The following DOCK3 variants were observed in gnomAD, a reference collection of about 807,000 sequenced individuals.
DOCK3 encodes dedicator of cytokinesis protein 3.
Under a neutral mutation model 265.6 loss-of-function variants are expected in DOCK3, and 60 were observed. That is an observed-to-expected ratio of 0.23 (90% CI 0.18 to 0.28). DOCK3 has a LOEUF of 0.28. Among genes scored for constraint, DOCK3 ranks in the 10% least tolerant of loss-of-function variants. The pLI is 1.00. For missense variants in DOCK3, 1,981 were observed against 2,594.3 expected (o/e 0.76, Z 5.14); for synonymous variants, 881 against 938.0 (o/e 0.94, Z 1.11).
intron 9 of DOCK3, among the ~76,000 whole-genome samples, chr3:51,112,940 AG>A (rs2083581105): frequency 6.6e-6 from 1 of 152,172 alleles, no homozygotes; most frequent in Non-Finnish European, 1.5e-5. Flanking sequence ...AGGTATTAAG[AG>A]GGTATTATAA....
At chr3:50,855,024 A>G (rs1051857169) in intron 3 of DOCK3, among the ~76,000 whole-genome samples, 5 of 152,092 alleles carry the variant, frequency 3.3e-5, no homozygotes, top group South Asian at 2.1e-4. Context: ...CTGTTTCACT[A>G]CTATAGCTTT....
At chr3:51,378,710 C>T (rs1006144690) in intron 51 of DOCK3, among the ~76,000 whole-genome samples, 2 of 152,226 alleles carry the variant, frequency 1.3e-5, no homozygotes, top group African/African-American at 4.8e-5. Flanking sequence ...AGAGTGGCAC[C>T]CTCAGACCCC....
At chr3:51,055,700 A>G (rs920160846) in intron 5 of DOCK3, among the ~76,000 whole-genome samples, 1 of 152,312 alleles carries the variant, frequency 6.6e-6, no homozygotes, top group African/African-American at 2.4e-5. Context: ...CTTGGCATCT[A>G]TCCATCCGTG....
chr3:51,064,442 T>G lies in DOCK3; in HGVS notation c.316-6T>G. 6.2e-7 allele frequency: 1 copy of G among 1,613,618 alleles called. No homozygotes were observed. The highest frequency in any genetic ancestry group is 8.5e-7 in the Non-Finnish European group (1 of 1,179,594). On this transcript the variant is annotated splice_region_variant and splice_polypyrimidine_tract_variant and intron_variant, in intron 5 of 52. Coordinates refer to ENST00000266037, the MANE Select transcript of DOCK3 (RefSeq NM_004947.5). ...ATTTCACCCAACACCAAAAATGCCCTTTCAGAAACACAAAGTAGATCTTTT... is the reference window on the plus strand; with the variant it reads ...ATTTCACCCAACACCAAAAATGCCCGTTCAGAAACACAAAGTAGATCTTTT...
At chr3:50,763,500 C>G (rs1391712161) in intron 1 of DOCK3, among the ~76,000 whole-genome samples, 3 of 152,066 alleles carry the variant, frequency 2.0e-5, no homozygotes, top group Non-Finnish European at 4.4e-5. Flanking sequence ...CCAGGCTGGT[C>G]TCAAACTCCT....
rs1349304482 is a variant in DOCK3 at position 50,675,434 on chromosome 3, G to C, written c.37+134G>C. 9 of 833,140 alleles carry C rather than the reference G, an allele frequency of 1.1e-5. No individual in the cohort carries two copies. The highest frequency in any genetic ancestry group is 1.4e-5 in the Non-Finnish European group (9 of 653,218). 51.6% of individuals were successfully genotyped at this position (833,140 alleles called of 1,614,324 possible). On this transcript the variant is annotated intron_variant, in intron 1 of 52. Coordinates refer to ENST00000266037, the MANE Select transcript of DOCK3 (RefSeq NM_004947.5). The surrounding 1 kb of genome is among the most constrained non-coding windows in gnomAD (Gnocchi z 6.1). The stretch of plus-strand genomic sequence containing the variant: ...GCGGCCTCGGCGCGGGGCGAGCGCG[G>C]GGTGGGGGCAGGTGCGGGTGCGGGT...
Position 51,381,479 on chromosome 3 carries a change from C to T in DOCK3, c.6013C>T (p.Arg2005Cys), listed in dbSNP as rs375293337. The change falls in exon 53 of 53, where the codon CGC becomes TGC. Residue 2005 changes from arginine to cysteine, a missense_variant. By Grantham distance (180) the Arg-to-Cys change is radical. This residue lies in a region of DOCK3 where 149 missense variants were observed against 144.7 expected (regional missense o/e 1.03). Transcript: ENST00000266037. This position sits in a 1 kb window ranked among gnomAD's most constrained non-coding sequence, Gnocchi z 5.6. Reference protein sequence around the residue: ...EETERPRGLHRKAPLPPGSAK... With the variant: ...EETERPRGLHCKAPLPPGSAK... ...GACTGAGAGGCCTCGAGGCCTGCAC[C>T]GCAAGGCTCCATTGCCTCCTGGGAG... 2.5e-5 allele frequency: 39 copies of T among 1,590,140 alleles called. No individual in the cohort carries two copies. The highest frequency in any genetic ancestry group is 3.2e-5 in the Non-Finnish European group (37 of 1,169,240).
intron 5 of DOCK3, among the ~76,000 whole-genome samples, chr3:51,027,104 C>T (rs557952082): frequency 6.6e-6 from 1 of 152,162 alleles, no homozygotes; most frequent in Admixed American, 6.5e-5. Flanking sequence ...AGTATAAACT[C>T]CATTTAGCAC....
chr3:50,785,888 A>G (rs1038513230), intron 2 of DOCK3, among the ~76,000 whole-genome samples: 3 of 150,428 alleles, frequency 2.0e-5, no homozygotes, highest in African/African-American at 7.3e-5. Context: ...GATTTTTACC[A>G]GTTCTTTGAA....
intron 2 of DOCK3, among the ~76,000 whole-genome samples, chr3:50,801,539 A>G (rs2043066727): frequency 6.6e-6 from 1 of 152,242 alleles, no homozygotes; most frequent in South Asian, 2.1e-4. Flanking sequence ...ATACTGACAT[A>G]TTGATACTTT....
At chr3:51,024,025 T>G (rs1559956851) in intron 5 of DOCK3, among the ~76,000 whole-genome samples, 1 of 152,224 alleles carries the variant, frequency 6.6e-6, no homozygotes, top group Non-Finnish European at 1.5e-5. Context: ...ACTGAATTTA[T>G]TTTTTACTAG....
At chr3:50,860,133 G>T (rs980751175) in intron 3 of DOCK3, among the ~76,000 whole-genome samples, 1 of 152,150 alleles carries the variant, frequency 6.6e-6, no homozygotes, top group African/African-American at 2.4e-5. Context: ...CAAGTCAGGG[G>T]TTCCTTGTCT....
At chr3:50,855,443 C>A (rs191386254) in intron 3 of DOCK3, among the ~76,000 whole-genome samples, 119 of 151,974 alleles carry the variant, frequency 7.8e-4, no homozygotes, top group Non-Finnish European at 1.5e-3. Context: ...GGATTGAGTT[C>A]TTGATTTGGT....
At chr3:50,719,965 A>G (rs4429624) in intron 1 of DOCK3, 381,767 of 426,994 alleles carry the variant, frequency 0.89, 170,991 homozygotes, top group African/African-American at 0.95. Flanking sequence ...GGTTCTGGGT[A>G]GTGTCGTTGT....
intron 4 of DOCK3, among the ~76,000 whole-genome samples, chr3:50,910,119 T>C (rs1289103306): frequency 6.6e-6 from 1 of 152,056 alleles, no homozygotes; most frequent in Non-Finnish European, 1.5e-5. Flanking sequence ...TCAGCTCTTA[T>C]ATTGTTTTTT....
At chr3:51,307,092 CT>C (rs1316814719) in intron 27 of DOCK3, among the ~76,000 whole-genome samples, 1 of 151,986 alleles carries the variant, frequency 6.6e-6, no homozygotes, top group Admixed American at 6.6e-5. Context: ...ATGCTTGTTT[CT>C]TTTTTTAGTG....
intron 1 of DOCK3, among the ~76,000 whole-genome samples, chr3:50,725,376 CAGTT>C (rs1255476314): frequency 2.0e-5 from 3 of 152,228 alleles, no homozygotes; most frequent in African/African-American, 4.8e-5. Flanking sequence ...TGTTCCTAAA[CAGTT>C]AGTAAAAGAG....
At chr3:51,378,033 T>C (rs1471644802) in intron 51 of DOCK3, among the ~76,000 whole-genome samples, 1 of 152,106 alleles carries the variant, frequency 6.6e-6, no homozygotes, top group Non-Finnish European at 1.5e-5. Flanking sequence ...CTGCATCTTG[T>C]AGGGAGCATG....
At chr3:51,362,699 C>G in intron 49 of DOCK3, 25 bp downstream of exon 49, 1 of 1,609,134 alleles carries the variant, frequency 6.2e-7, no homozygotes, top group Non-Finnish European at 8.5e-7. Context: ...GTGCTACTTG[C>G]AGAATGGAGA....
Sources: gnomAD v4.1 joint callset for allele counts (sites outside exome capture counted in the v4.1 genomes callset) on GRCh38, gnomAD v4.1.1 for gene constraint, gnomAD v4.1.1 regional missense constraint, Gnocchi (gnomAD v3.1) non-coding constraint, MANE v1.5 for transcripts, NCBI Gene and HGNC (gene_info 2026-07-23, HGNC 2026-07-21) for gene names.